KANK1: variants seen among roughly 807,000 people sequenced by gnomAD.
KANK1 encodes the protein KN motif and ankyrin repeat domains 1, also known as KN motif and ankyrin repeat domain-containing protein 1.
In KANK1, 109 loss-of-function variants were observed where a neutral mutation model predicts 106.2. That is an observed-to-expected ratio of 1.03 (90% confidence interval 0.88 to 1.20). The LOEUF is 1.20. KANK1 is among the 50% of genes most tolerant of loss of function. The pLI, the probability that KANK1 is intolerant of heterozygous loss-of-function variation, is 0.00. For synonymous variants in KANK1, 873 were observed against 652.2 expected (o/e 1.34, Z -5.16); for missense variants, 2,399 against 1,710.7 (o/e 1.40, Z -7.10).
intron 1 of KANK1, among the ~76,000 whole-genome samples, chr9:588,142 A>T (rs940705666): frequency 1.6e-4 from 24 of 152,008 alleles, no homozygotes; most frequent in Non-Finnish European, 2.6e-4. Flanking sequence ...CTGGTTCAGA[A>T]CTTAAACCAG....
intron 1 of KANK1, among the ~76,000 whole-genome samples, chr9:550,703 A>G (rs1271418646): frequency 6.6e-6 from 1 of 152,226 alleles, no homozygotes; most frequent in East Asian, 1.9e-4. Flanking sequence ...CAGCAGCCTA[A>G]GAAGATACAC....
chr9:705,555 T>A (rs1823868120), intron 2 of KANK1, among the ~76,000 whole-genome samples: 1 of 150,642 alleles, frequency 6.6e-6, no homozygotes, highest in Non-Finnish European at 1.5e-5. Flanking sequence ...AATTGGTGTG[T>A]GGTTGGGAGA....
At chr9:700,005 T>TTACC (rs1417568779) in intron 2 of KANK1, among the ~76,000 whole-genome samples, 2 of 152,124 alleles carry the variant, frequency 1.3e-5, no homozygotes, top group Non-Finnish European at 2.9e-5. Flanking sequence ...GAATACATAC[T>TTACC]TACCTACCTA....
rs147285878 is a variant in KANK1, at chr9:581,951, G to C, written c.-84+77197G>C. 6.4e-4 allele frequency among the ~76,000 whole-genome samples: 97 copies of C among 152,272 alleles called. 2 individuals carry two copies. In the East Asian group the frequency reaches 0.016, roughly 25 times the overall value. Reference sequence around the variant, plus strand: ...CATTCACTTCCAAGATCTCCCTTAAGTGTGAGAGATCTTGCTATCTTCTCA... The same window carrying C: ...CATTCACTTCCAAGATCTCCCTTAACTGTGAGAGATCTTGCTATCTTCTCA... On this transcript the variant is annotated intron_variant, in intron 1 of 11. Coordinates refer to ENST00000382297, the MANE Select transcript of KANK1 (RefSeq NM_015158.5).
chr9:594,896 A>T (rs1465662932), intron 1 of KANK1, among the ~76,000 whole-genome samples: 2 of 151,878 alleles, frequency 1.3e-5, no homozygotes, highest in Non-Finnish European at 2.9e-5. Context: ...GCCACTGTGT[A>T]TTGATAATGG....
At chr9:739,668 C>T (rs1043386429) in intron 8 of KANK1, among the ~76,000 whole-genome samples, 40 of 152,200 alleles carry the variant, frequency 2.6e-4, no homozygotes, top group African/African-American at 9.4e-4. Context: ...TCACTCCTGA[C>T]AGGAACAGCT....
intron 1 of KANK1, chr9:660,144 A>T: frequency 2.9e-6 from 1 of 344,982 alleles, no homozygotes; most frequent in Non-Finnish European, 5.9e-6. Context: ...ACTGCTGATG[A>T]TTATGATAAA....
chr9:607,349 G>C (rs1829466302), intron 1 of KANK1, among the ~76,000 whole-genome samples: 1 of 151,566 alleles, frequency 6.6e-6, no homozygotes, highest in Non-Finnish European at 1.5e-5. Context: ...AGCTGGTGTG[G>C]CGACGCACAC....
intron 2 of KANK1, among the ~76,000 whole-genome samples, chr9:683,382 G>A (rs1301340868): frequency 2.0e-5 from 3 of 152,142 alleles, no homozygotes; most frequent in African/African-American, 7.2e-5. Context: ...AAACACATAG[G>A]TAGGAGCCTG....
At chr9:669,665 C>G (rs1329858600) in intron 1 of KANK1, among the ~76,000 whole-genome samples, 1 of 151,860 alleles carries the variant, frequency 6.6e-6, no homozygotes, top group Non-Finnish European at 1.5e-5. Flanking sequence ...TCTTTTTGTC[C>G]TTGACCTTTG....
At chr9:703,547 C>G (rs1407020051) in intron 2 of KANK1, among the ~76,000 whole-genome samples, 1 of 152,128 alleles carries the variant, frequency 6.6e-6, no homozygotes, top group African/African-American at 2.4e-5. Flanking sequence ...ACACCAGGGA[C>G]AGCCCTCCAA....
rs749300215 is a variant in KANK1 at position 744,440 on chromosome 9, CTGGAGGTT to C, written c.3898-48_3898-41del. The stretch of plus-strand genomic sequence containing the variant: ...TTTTGTTCTGTTACCTTTCGGTTGT[CTGGAGGTT>C]TGAGAAACCCAACATGGCTTGTTCT... On this transcript the variant is annotated intron_variant, in intron 10 of 11. Coordinates refer to ENST00000382297, the MANE Select transcript of KANK1 (RefSeq NM_015158.5). The C allele has an allele frequency of 4.4e-6, 7 of 1,579,828 alleles. No individual in the cohort carries two copies. The East Asian group carries it at 1.6e-4, about 36-fold the overall frequency.
intron 1 of KANK1, among the ~76,000 whole-genome samples, chr9:522,927 A>G (rs2059615511): frequency 6.6e-6 from 1 of 151,702 alleles, no homozygotes; most frequent in Admixed American, 6.6e-5. Context: ...TTTCCCATGA[A>G]AATGCCTTCC....
intron 1 of KANK1, among the ~76,000 whole-genome samples, chr9:642,603 A>G (rs981423503): frequency 6.6e-6 from 1 of 150,970 alleles, no homozygotes; most frequent in Non-Finnish European, 1.5e-5. Flanking sequence ...TATTTTTTCT[A>G]TGAATTACCA....
At chr9:530,875 C>G (rs1290320555) in intron 1 of KANK1, among the ~76,000 whole-genome samples, 1 of 152,090 alleles carries the variant, frequency 6.6e-6, no homozygotes, top group East Asian at 1.9e-4. Flanking sequence ...GTAGTTCCAG[C>G]TACTTGGCAG....
intron 3 of KANK1, among the ~76,000 whole-genome samples, chr9:715,943 G>A (rs1827569401): frequency 6.6e-6 from 1 of 152,166 alleles, no homozygotes; most frequent in African/African-American, 2.4e-5. Flanking sequence ...AATCCAGGTG[G>A]CCCAGGGTGC....
chr9:735,843 A>C, intron 7 of KANK1: 1 of 332,544 alleles, frequency 3.0e-6, no homozygotes, highest in Non-Finnish European at 6.5e-6. Context: ...AAAATACAAA[A>C]AGTTAGCCAG....
intron 1 of KANK1, among the ~76,000 whole-genome samples, chr9:554,591 AACATC>A (rs1174917317): frequency 2.6e-5 from 4 of 152,244 alleles, no homozygotes; most frequent in Admixed American, 1.3e-4. Context: ...AAACAGAACT[AACATC>A]ACAACCATCT....
chr9:614,957 C>G (rs887716254), intron 1 of KANK1, among the ~76,000 whole-genome samples: 1 of 151,976 alleles, frequency 6.6e-6, no homozygotes, highest in African/African-American at 2.4e-5. Flanking sequence ...CCATCCCCCC[C>G]CTGCCCTTTT....
Sources: gnomAD v4.1 joint callset for allele counts (sites outside exome capture counted in the v4.1 genomes callset) on GRCh38, gnomAD v4.1.1 for gene constraint, MANE v1.5 for transcripts, NCBI Gene and HGNC (gene_info 2026-07-23, HGNC 2026-07-21) for gene names.